Variants in DAB1 observed in about 807,000 individuals in gnomAD.
DAB1 encodes the protein DAB adaptor protein 1.
In DAB1, 15 loss-of-function variants were observed where a neutral mutation model predicts 64.6. The ratio of observed to expected loss-of-function variants is 0.23; its 90% CI spans 0.16 to 0.36. The LOEUF (loss-of-function observed/expected upper bound fraction) is 0.36. DAB1 is among the 10% of genes least tolerant of loss of function. DAB1 has a pLI of 1.00. For missense variants in DAB1, 596 were observed against 706.7 expected (o/e 0.84, Z 1.78); for synonymous variants, 235 against 251.9 (o/e 0.93, Z 0.64).
chr1:57,642,094 T>G (rs1646137306), intron 7 of DAB1, among the ~76,000 whole-genome samples: 1 of 152,172 alleles, frequency 6.6e-6, no homozygotes, highest in Non-Finnish European at 1.5e-5. Context: ...ATGGAAGTGC[T>G]CAGTGATTTT....
chr1:58,505,860 T>C (rs1569909789), intron 3 of DAB1, among the ~76,000 whole-genome samples: 1 of 152,212 alleles, frequency 6.6e-6, no homozygotes, highest in African/African-American at 2.4e-5. Flanking sequence ...CAACTGTACA[T>C]AGTAATTTAT....
At chr1:57,674,443 G>T (rs1646543184) in intron 6 of DAB1, among the ~76,000 whole-genome samples, 1 of 152,134 alleles carries the variant, frequency 6.6e-6, no homozygotes, top group African/African-American at 2.4e-5. Flanking sequence ...AGTGTTTCTT[G>T]CATCTTATTT....
At chr1:58,470,712 G>A (rs697592) in intron 3 of DAB1, among the ~76,000 whole-genome samples, 19,695 of 152,140 alleles carry the variant, frequency 0.13, 1,472 homozygotes, top group Admixed American at 0.23. Flanking sequence ...CATCTCGCAC[G>A]CAGTCCGTCT....
chr1:58,477,828 T>A (rs1232598424), intron 3 of DAB1, among the ~76,000 whole-genome samples: 4 of 152,116 alleles, frequency 2.6e-5, no homozygotes, highest in Non-Finnish European at 5.9e-5. Context: ...GCAACGAATT[T>A]TCTTGGTTGG....
intron 7 of DAB1, among the ~76,000 whole-genome samples, chr1:57,563,143 C>A (rs896510626): frequency 2.0e-5 from 3 of 152,038 alleles, no homozygotes; most frequent in Non-Finnish European, 2.9e-5. Context: ...TTGCTGAAGG[C>A]AAAGGGAATA....
chr1:57,947,505 C>G (rs1012424239), intron 5 of DAB1, among the ~76,000 whole-genome samples: 2 of 152,148 alleles, frequency 1.3e-5, no homozygotes, highest in African/African-American at 4.8e-5. Context: ...ACTAAATACC[C>G]AACAGCACTT....
intron 3 of DAB1, among the ~76,000 whole-genome samples, chr1:58,453,683 A>G (rs1325150363): frequency 6.6e-6 from 1 of 152,234 alleles, no homozygotes; most frequent in Non-Finnish European, 1.5e-5. Context: ...CACTGCCCTC[A>G]GGTGCTCTCC....
chr1:57,717,192 G>A (rs961640243), intron 6 of DAB1, among the ~76,000 whole-genome samples: 3 of 151,418 alleles, frequency 2.0e-5, no homozygotes, highest in East Asian at 1.9e-4. Flanking sequence ...AGCCGAGACC[G>A]CACCATTGCA....
chr1:57,795,048 T>G (rs1446959923), intron 6 of DAB1, among the ~76,000 whole-genome samples: 1 of 152,264 alleles, frequency 6.6e-6, no homozygotes, highest in Non-Finnish European at 1.5e-5. Context: ...GTCAATGGAA[T>G]GACCCATGTC....
chr1:57,567,040 A>G (rs1371955222), intron 7 of DAB1, among the ~76,000 whole-genome samples: 1 of 152,216 alleles, frequency 6.6e-6, no homozygotes, highest in Admixed American at 6.5e-5. Context: ...AAATACTGGC[A>G]AACTGAATCC....
chr1:58,472,256 G>C (rs1645367699), intron 3 of DAB1, among the ~76,000 whole-genome samples: 1 of 152,146 alleles, frequency 6.6e-6, no homozygotes, highest in Non-Finnish European at 1.5e-5. Flanking sequence ...TTACTCTAGG[G>C]AATGTACCCT....
chr1:58,359,745 G>A (rs529886068), intron 3 of DAB1, among the ~76,000 whole-genome samples: 2 of 112,956 alleles, frequency 1.8e-5, no homozygotes, highest in East Asian at 6.2e-4. Context: ...TATTTATTCA[G>A]TTAGTATTTC....
At chr1:57,808,345 C>T (rs1651465159) in intron 6 of DAB1, among the ~76,000 whole-genome samples, 1 of 152,136 alleles carries the variant, frequency 6.6e-6, no homozygotes, top group Non-Finnish European at 1.5e-5. Flanking sequence ...CTCTCAGAGT[C>T]CCTGAGCTTG....
chr1:57,581,759 T>C (rs1413759813), intron 7 of DAB1, among the ~76,000 whole-genome samples: 5 of 150,168 alleles, frequency 3.3e-5, no homozygotes. Context: ...TTAATTATTA[T>C]GTATTTTCAG....
At chr1:57,273,345 T>C (rs1671163632) in intron 2 of DAB1, among the ~76,000 whole-genome samples, 1 of 152,164 alleles carries the variant, frequency 6.6e-6, no homozygotes, top group Non-Finnish European at 1.5e-5. Context: ...AAGAGGAACA[T>C]GTTTCCCATA....
chr1:58,221,156 C>A (rs1659151252), intron 4 of DAB1, among the ~76,000 whole-genome samples: 1 of 152,036 alleles, frequency 6.6e-6, no homozygotes, highest in African/African-American at 2.4e-5. Context: ...ACACATATTT[C>A]TTTTCTTTTT....
At chr1:57,748,918 T>A (rs1343363830) in intron 6 of DAB1, among the ~76,000 whole-genome samples, 1 of 152,196 alleles carries the variant, frequency 6.6e-6, no homozygotes, top group South Asian at 2.1e-4. Context: ...AATCTTTTCA[T>A]GTGAAATTGT....
intron 7 of DAB1, among the ~76,000 whole-genome samples, chr1:57,627,631 A>T (rs1645938627): frequency 2.0e-5 from 3 of 152,246 alleles, no homozygotes. Flanking sequence ...TGAATGGCAT[A>T]TAATAAATGT....
intron 7 of DAB1, among the ~76,000 whole-genome samples, chr1:57,602,230 C>G (rs1381975681): frequency 6.6e-6 from 1 of 152,152 alleles, no homozygotes; most frequent in Non-Finnish European, 1.5e-5. Context: ...TATGATTTCC[C>G]TTGCCTAAGC....
Sources: allele counts gnomAD v4.1 joint callset (sites outside exome capture counted in the v4.1 genomes callset), GRCh38; gene constraint gnomAD v4.1.1; transcripts MANE v1.5; gene names NCBI Gene and HGNC (gene_info 2026-07-23, HGNC 2026-07-21).